The following FCHSD2 variants were observed in gnomAD, a reference collection of about 807,000 sequenced individuals.
FCHSD2 encodes FCH and double SH3 domains 2.
Under a neutral mutation model 108.1 loss-of-function variants are expected in FCHSD2, and 38 were observed. That is an observed-to-expected ratio of 0.35 (90% CI 0.27 to 0.46). The LOEUF (loss-of-function observed/expected upper bound fraction) is 0.46. Among genes scored for constraint, FCHSD2 ranks in the 20% least tolerant of loss-of-function variants. The pLI is 1.00. For missense variants in FCHSD2, 751 were observed against 897.8 expected, an observed-to-expected ratio of 0.84 and a Z score of 2.09; for synonymous variants, 279 against 314.7, an observed-to-expected ratio of 0.89 and a Z score of 1.20.
intron 2 of FCHSD2, among the ~76,000 whole-genome samples, chr11:73,118,680 C>T (rs905000294): frequency 8.5e-5 from 13 of 152,076 alleles, no homozygotes; most frequent in Admixed American, 2.6e-4. Context: ...TTTCTATTTT[C>T]ATTGCATGTG....
chr11:72,971,834 T>C (rs1237207561), intron 8 of FCHSD2, among the ~76,000 whole-genome samples: 1 of 152,118 alleles, frequency 6.6e-6, no homozygotes, highest in Non-Finnish European at 1.5e-5. Context: ...TAAATGGAGG[T>C]AGTTTAAAAC....
chr11:72,871,908 T>C (rs1182565033), intron 12 of FCHSD2, among the ~76,000 whole-genome samples: 1 of 152,040 alleles, frequency 6.6e-6, no homozygotes, highest in African/African-American at 2.4e-5. Context: ...TAATTTTGAT[T>C]TCCCTCCGAA....
intron 3 of FCHSD2, among the ~76,000 whole-genome samples, chr11:73,019,295 C>T (rs1363236770): frequency 6.6e-6 from 1 of 152,106 alleles, no homozygotes; most frequent in African/African-American, 2.4e-5. Context: ...TTTCTCTTAA[C>T]TCTATGTTAG....
chr11:72,976,217 C>T (rs1306558097), intron 8 of FCHSD2, among the ~76,000 whole-genome samples: 2 of 152,164 alleles, frequency 1.3e-5, no homozygotes, highest in Non-Finnish European at 2.9e-5. Context: ...TAACTACTGG[C>T]ATAAGAAATA....
intron 10 of FCHSD2, among the ~76,000 whole-genome samples, chr11:72,890,282 C>T (rs1565308219): frequency 6.6e-6 from 1 of 152,080 alleles, no homozygotes. Flanking sequence ...TGTATTCATG[C>T]CAACCTACTA....
chr11:72,860,327 T>C (rs144974943), intron 13 of FCHSD2, among the ~76,000 whole-genome samples: 8 of 152,268 alleles, frequency 5.3e-5, no homozygotes, highest in Admixed American at 3.9e-4. Context: ...TAGCAAAATA[T>C]ACATTCTTTT....
chr11:72,901,876 G>T (rs1178609189), intron 10 of FCHSD2, among the ~76,000 whole-genome samples: 287 of 147,874 alleles, frequency 1.9e-3, no homozygotes, highest in African/African-American at 6.1e-3. Context: ...TTTTTTTTTT[G>T]TTTGTTTGTT....
At chr11:72,857,613 ATTTT>A (rs761360218) in intron 13 of FCHSD2, among the ~76,000 whole-genome samples, 1 of 122,858 alleles carries the variant, frequency 8.1e-6, no homozygotes, top group Non-Finnish European at 1.8e-5. Flanking sequence ...TAATTTTTGT[ATTTT>A]TTTTTTTTTT....
chr11:73,140,007 T>G (rs534730845), intron 2 of FCHSD2, 24 bp downstream of exon 2: 2 of 1,334,642 alleles, frequency 1.5e-6, no homozygotes, highest in Non-Finnish European at 2.1e-6. Flanking sequence ...ACAGAAGTCC[T>G]TGAACTATTT....
chr11:72,877,237 C>G (rs529905272), intron 12 of FCHSD2, among the ~76,000 whole-genome samples: 2 of 152,148 alleles, frequency 1.3e-5, no homozygotes, highest in African/African-American at 4.8e-5. Context: ...TAAGCAACAG[C>G]TAAAATTTCT....
intron 2 of FCHSD2, among the ~76,000 whole-genome samples, chr11:73,114,962 A>G (rs1207793109): frequency 6.6e-6 from 1 of 152,140 alleles, no homozygotes; most frequent in African/African-American, 2.4e-5. Flanking sequence ...CACCATGTTC[A>G]CTGGCTCTGA....
chr11:73,053,144 C>G (rs1460775749), intron 3 of FCHSD2, among the ~76,000 whole-genome samples: 2 of 144,880 alleles, frequency 1.4e-5, no homozygotes, highest in African/African-American at 2.5e-5. Flanking sequence ...CTGCACCCAG[C>G]CTTTTTTTTT....
At chr11:72,903,366 G>A (rs1330004739) in intron 9 of FCHSD2, among the ~76,000 whole-genome samples, 2 of 152,028 alleles carry the variant, frequency 1.3e-5, no homozygotes, top group Non-Finnish European at 2.9e-5. Context: ...ACAGGCGCCC[G>A]CCACTGCGCC....
chr11:72,885,704 G>A (rs2135242439), intron 12 of FCHSD2, among the ~76,000 whole-genome samples: 1 of 152,214 alleles, frequency 6.6e-6, no homozygotes, highest in Non-Finnish European at 1.5e-5. Flanking sequence ...GCTTCATCTA[G>A]AGTGCGGAGA....
intron 8 of FCHSD2, among the ~76,000 whole-genome samples, chr11:72,942,043 C>A (rs1419719758): frequency 6.6e-6 from 1 of 152,170 alleles, no homozygotes; most frequent in Non-Finnish European, 1.5e-5. Flanking sequence ...AATGTTTTGT[C>A]CCCTCAAAAT....
chr11:73,123,718 G>A (rs147699293), intron 2 of FCHSD2, among the ~76,000 whole-genome samples: 4 of 152,242 alleles, frequency 2.6e-5, no homozygotes, highest in African/African-American at 9.6e-5. Flanking sequence ...AAACATCACA[G>A]AGGCTGGAGA....
chr11:73,041,591 TTTTG>T (rs201405233), intron 3 of FCHSD2, among the ~76,000 whole-genome samples: 2,442 of 152,200 alleles, frequency 0.016, 62 homozygotes, highest in African/African-American at 0.056. Flanking sequence ...TATGGAGTTT[TTTTG>T]TTTGTTTGTT....
At chr11:72,912,402 C>T (rs951394404) in intron 9 of FCHSD2, among the ~76,000 whole-genome samples, 3 of 152,088 alleles carry the variant, frequency 2.0e-5, no homozygotes, top group Non-Finnish European at 4.4e-5. Flanking sequence ...TTGAAATGAT[C>T]ATATAGTTTT....
intron 2 of FCHSD2, among the ~76,000 whole-genome samples, chr11:73,090,592 G>C (rs1859933879): frequency 6.6e-6 from 1 of 151,994 alleles, no homozygotes; most frequent in African/African-American, 2.4e-5. Context: ...GCCTACTCTG[G>C]TTCCCTTAGA....
Sources: allele counts gnomAD v4.1 joint callset (sites outside exome capture counted in the v4.1 genomes callset), GRCh38; gene constraint gnomAD v4.1.1; transcripts MANE v1.5; gene names NCBI Gene and HGNC (gene_info 2026-07-23, HGNC 2026-07-21).